AGBL4: variants seen among roughly 807,000 people sequenced by gnomAD.
The protein encoded by AGBL4 is cytosolic carboxypeptidase 6.
A neutral mutation model predicts 66.4 loss-of-function variants in AGBL4; 58 were observed. That is an observed-to-expected ratio of 0.87 (90% CI 0.71 to 1.09). The LOEUF (loss-of-function observed/expected upper bound fraction) is 1.09, where lower values mean the gene tolerates loss of function less well. Ranked by LOEUF, AGBL4 falls within the 50% of genes least tolerant of loss-of-function variation. The probability of loss-of-function intolerance (pLI) is 0.00; values close to 1 mark genes in which losing one functional copy is unlikely to be tolerated. For missense variants in AGBL4, 579 were observed against 631.0 expected, an observed-to-expected ratio of 0.92 and a Z score of 0.88; for synonymous variants, 234 against 222.9, an observed-to-expected ratio of 1.05 and a Z score of -0.44.
intron 6 of AGBL4, among the ~76,000 whole-genome samples, chr1:48,811,553 G>T (rs955210851): frequency 9.9e-5 from 15 of 152,140 alleles, no homozygotes; most frequent in African/African-American, 3.6e-4. Flanking sequence ...CAAACTCAAT[G>T]AGCAACTTGG....
At chr1:48,909,682 A>AT (rs1420918676) in intron 5 of AGBL4, among the ~76,000 whole-genome samples, 1 of 152,226 alleles carries the variant, frequency 6.6e-6, no homozygotes, top group African/African-American at 2.4e-5. Context: ...CAGTGAGCAC[A>AT]TGAAAGACAG....
chr1:49,066,181 A>G (rs1644488596), intron 4 of AGBL4, among the ~76,000 whole-genome samples: 1 of 152,174 alleles, frequency 6.6e-6, no homozygotes, highest in Non-Finnish European at 1.5e-5. Flanking sequence ...CAGAGGTAGC[A>G]ATGACTTGGA....
At position 49,622,284 on chromosome 1, in the gene AGBL4, T is replaced by G. The variant is rs11810361; in HGVS notation, c.282+75029A>C. Among the ~76,000 whole-genome samples, 440 of 152,332 alleles carry G rather than the reference T, an allele frequency of 2.9e-3. 3 individuals carry two copies. The highest frequency in any genetic ancestry group is 9.6e-3 in the African/African-American group (401 of 41,586). On this transcript the variant is annotated intron_variant, in intron 3 of 13. Transcript: ENST00000371839. ...TATGGAGTTATTAGGTGTAAGAATT[T>G]TGATAGTTACTTCATCTTTTTATGC...
At chr1:48,968,918 C>T (rs760775286) in intron 5 of AGBL4, among the ~76,000 whole-genome samples, 12 of 152,074 alleles carry the variant, frequency 7.9e-5, no homozygotes, top group Non-Finnish European at 1.8e-4. Flanking sequence ...GTAGAAAATA[C>T]CAAGCAAATG....
At chr1:48,882,798 T>C (rs547841242) in intron 5 of AGBL4, among the ~76,000 whole-genome samples, 1 of 152,280 alleles carries the variant, frequency 6.6e-6, no homozygotes, top group South Asian at 2.1e-4. Flanking sequence ...CTCTGGCAAC[T>C]ACTGTTCTGC....
At chr1:48,996,065 C>G (rs1044631738) in intron 5 of AGBL4, among the ~76,000 whole-genome samples, 5 of 152,004 alleles carry the variant, frequency 3.3e-5, no homozygotes, top group African/African-American at 1.2e-4. Flanking sequence ...GCAAGACTCA[C>G]TAATGGACTG....
chr1:50,011,439 GT>G (rs2148437235), intron 1 of AGBL4, among the ~76,000 whole-genome samples: 1 of 152,342 alleles, frequency 6.6e-6, no homozygotes, highest in East Asian at 1.9e-4. Context: ...TGGTGGGAAT[GT>G]AAATTAGTAC....
chr1:49,547,198 T>A (rs1293378795), intron 3 of AGBL4, among the ~76,000 whole-genome samples: 1 of 152,210 alleles, frequency 6.6e-6, no homozygotes, highest in African/African-American at 2.4e-5. Flanking sequence ...GAGATGAGGA[T>A]CCAGTTTCAT....
At chr1:49,777,416 A>G (rs1359195586) in intron 2 of AGBL4, among the ~76,000 whole-genome samples, 2 of 152,246 alleles carry the variant, frequency 1.3e-5, no homozygotes, top group Non-Finnish European at 2.9e-5. Context: ...TAGCATATCA[A>G]AAGTATAGAA....
At chr1:49,449,888 C>T (rs1047767067) in intron 3 of AGBL4, among the ~76,000 whole-genome samples, 9 of 152,004 alleles carry the variant, frequency 5.9e-5, no homozygotes, top group Admixed American at 5.2e-4. Flanking sequence ...GCTTTTTGCA[C>T]TACATCTTTC....
At chr1:49,569,194 G>C (rs528791339) in intron 3 of AGBL4, among the ~76,000 whole-genome samples, 7 of 152,150 alleles carry the variant, frequency 4.6e-5, no homozygotes, top group African/African-American at 7.2e-5. Context: ...TGAACTCATG[G>C]AGATAGAGAG....
Position 49,845,666 on chromosome 1 carries a change from A to G in AGBL4, c.157+5730T>C. The G allele has an allele frequency of 3.7e-6, 6 of 1,606,370 alleles. No homozygotes were observed. The South Asian group carries it at 6.6e-5, about 18-fold the overall frequency. ...ACCCACACAGGAGAAAAGCCCTGTG[A>G]GTGCAGTGAGTCTGGGAAAGCCTTC... is the stretch of plus-strand genomic sequence containing the variant. On this transcript the variant is annotated intron_variant, in intron 2 of 13. Coordinates refer to ENST00000371839, the MANE Select transcript of AGBL4 (RefSeq NM_032785.4).
At chr1:49,899,495 T>C (rs990814135) in intron 1 of AGBL4, among the ~76,000 whole-genome samples, 8 of 149,940 alleles carry the variant, frequency 5.3e-5, no homozygotes, top group Non-Finnish European at 1.2e-4. Flanking sequence ...TTACTATATA[T>C]CCACAAAAAA....
In AGBL4 at chr1:49,336,207, C is replaced by T. The variant is rs1258705568; in HGVS notation, c.283-90343G>A. Among the ~76,000 whole-genome samples the T allele has an allele frequency of 2.6e-5, 4 of 151,916 alleles. No homozygotes were observed. The East Asian group carries it at 7.7e-4, about 29-fold the overall frequency. ...GACTTTGATCTCAGGCAAGAGAAGACCAAAGCCCCCCCTGAGAATCAGGAA... is the reference window on the plus strand; with the variant it reads ...GACTTTGATCTCAGGCAAGAGAAGATCAAAGCCCCCCCTGAGAATCAGGAA... On this transcript the variant is annotated intron_variant, in intron 3 of 13. Coordinates refer to ENST00000371839, the MANE Select transcript of AGBL4 (RefSeq NM_032785.4).
intron 9 of AGBL4, among the ~76,000 whole-genome samples, chr1:48,608,672 C>T (rs975814391): frequency 2.6e-5 from 4 of 152,064 alleles, no homozygotes; most frequent in African/African-American, 4.8e-5. Flanking sequence ...GTTAGAAACA[C>T]ATAACAGAGG....
intron 1 of AGBL4, among the ~76,000 whole-genome samples, chr1:49,973,419 A>G (rs531505978): frequency 1.3e-5 from 2 of 152,134 alleles, no homozygotes; most frequent in Non-Finnish European, 2.9e-5. Flanking sequence ...ACACATGGCT[A>G]GCAGCTACTA....
At chr1:49,209,758 C>G (rs1372276249) in intron 4 of AGBL4, among the ~76,000 whole-genome samples, 1 of 151,980 alleles carries the variant, frequency 6.6e-6, no homozygotes, top group Non-Finnish European at 1.5e-5. Context: ...AAAAACTTTA[C>G]ATAGGTTTTC....
chr1:48,957,641 C>T (rs1657594358), intron 5 of AGBL4, among the ~76,000 whole-genome samples: 1 of 152,182 alleles, frequency 6.6e-6, no homozygotes, highest in African/African-American at 2.4e-5. Context: ...AAGGCTGTCC[C>T]ACAGCTGCTT....
chr1:49,326,260 A>G (rs182254981), intron 3 of AGBL4, among the ~76,000 whole-genome samples: 2 of 152,250 alleles, frequency 1.3e-5, no homozygotes, highest in East Asian at 3.9e-4. Context: ...CTAGGTTTTT[A>G]AAAAAATTCC....
Sources: allele counts gnomAD v4.1 joint callset (sites outside exome capture counted in the v4.1 genomes callset), GRCh38; gene constraint gnomAD v4.1.1; transcripts MANE v1.5; gene names NCBI Gene and HGNC (gene_info 2026-07-23, HGNC 2026-07-21).